The following DLGAP2 variants were observed in gnomAD, a reference collection of about 807,000 sequenced individuals.
DLGAP2 encodes disks large-associated protein 2.
Under a neutral mutation model 100.3 loss-of-function variants are expected in DLGAP2, and 26 were observed. The observed-to-expected ratio is 0.26, with a 90% CI of 0.19 to 0.36. DLGAP2 has a LOEUF of 0.36. DLGAP2 is among the 10% of genes least tolerant of loss of function. The probability of loss-of-function intolerance (pLI) is 1.00; values close to 1 mark genes in which losing one functional copy is unlikely to be tolerated. For synonymous variants in DLGAP2, 886 were observed against 630.1 expected, an observed-to-expected ratio of 1.41 and a Z score of -6.08; for missense variants, 1,858 against 1,453.2, an observed-to-expected ratio of 1.28 and a Z score of -4.53.
At chr8:1,647,488 C>CAAAA (rs567451595) in intron 8 of DLGAP2, among the ~76,000 whole-genome samples, 2 of 44,980 alleles carry the variant, frequency 4.4e-5, no homozygotes, top group African/African-American at 5.3e-5. Context: ...GACTCTGTCT[C>CAAAA]AAAAAAAAAA....
At chr8:1,500,876 A>C (rs1799698108) in intron 3 of DLGAP2, among the ~76,000 whole-genome samples, 2 of 152,254 alleles carry the variant, frequency 1.3e-5, no homozygotes, top group Admixed American at 1.3e-4. Flanking sequence ...ATTAAGCACT[A>C]AGATCACAAA....
At chr8:924,436 G>A (rs1440001290) in intron 2 of DLGAP2, among the ~76,000 whole-genome samples, 1 of 152,152 alleles carries the variant, frequency 6.6e-6, no homozygotes, top group Non-Finnish European at 1.5e-5. Context: ...GTGGGGTCCT[G>A]TTGTGTGGTG....
intron 3 of DLGAP2, among the ~76,000 whole-genome samples, chr8:1,353,204 T>C (rs760838016): frequency 6.6e-6 from 1 of 152,200 alleles, no homozygotes; most frequent in Non-Finnish European, 1.5e-5. Flanking sequence ...CTGCATTAGC[T>C]TCCTTCCATC....
chr8:1,206,450 G>A (rs1218723438), intron 2 of DLGAP2, among the ~76,000 whole-genome samples: 1 of 151,174 alleles, frequency 6.6e-6, no homozygotes, highest in Non-Finnish European at 1.5e-5. Flanking sequence ...CCGTGGACTG[G>A]GGTAGACTGT....
chr8:1,229,387 A>G (rs12155891), intron 2 of DLGAP2, among the ~76,000 whole-genome samples: 90,271 of 151,780 alleles, frequency 0.59, 28,309 homozygotes, highest in East Asian at 0.8. Flanking sequence ...TTTTATTACC[A>G]ATTCAGTTTT....
At chr8:1,337,402 A>G (rs1320672551) in intron 3 of DLGAP2, among the ~76,000 whole-genome samples, 3 of 390 alleles carry the variant, frequency 7.7e-3, no homozygotes, top group East Asian at 0.1. Context: ...GATGATGGTG[A>G]TGATGGTGAT....
At chr8:1,028,290 C>T (rs1314154256) in intron 2 of DLGAP2, among the ~76,000 whole-genome samples, 1 of 138,308 alleles carries the variant, frequency 7.2e-6, no homozygotes, top group Admixed American at 7.1e-5. Context: ...GTCAGGCGCC[C>T]GTTATTCTCC....
intron 2 of DLGAP2, among the ~76,000 whole-genome samples, chr8:913,837 G>T (rs2129000141): frequency 6.6e-6 from 1 of 152,324 alleles, no homozygotes; most frequent in Non-Finnish European, 1.5e-5. Flanking sequence ...CTCATATGAG[G>T]CAGAACAGCA....
chr8:865,282 C>A (rs551592913), intron 1 of DLGAP2, among the ~76,000 whole-genome samples: 45 of 152,314 alleles, frequency 3.0e-4, no homozygotes, highest in Admixed American at 3.9e-4. Flanking sequence ...CCAGTTAATA[C>A]CAAATGACAG....
chr8:738,141 T>G (rs1820368475), intron 1 of DLGAP2: 19 of 151,130 alleles, frequency 1.3e-4, no homozygotes, highest in Non-Finnish European at 2.5e-4. Flanking sequence ...CCGCTCTGCC[T>G]GCCCGGGGTG....
At chr8:1,153,344 T>C (rs1207673891) in intron 2 of DLGAP2, among the ~76,000 whole-genome samples, 3 of 152,236 alleles carry the variant, frequency 2.0e-5, no homozygotes, top group Non-Finnish European at 4.4e-5. Context: ...CCTCAAGAGC[T>C]ATAAAAGGCA....
At chr8:1,493,399 AC>A (rs1400952591) in intron 3 of DLGAP2, among the ~76,000 whole-genome samples, 1 of 152,074 alleles carries the variant, frequency 6.6e-6, no homozygotes, top group Non-Finnish European at 1.5e-5. Flanking sequence ...GCCTCTGTGG[AC>A]CGAGCGCATA....
chr8:768,591 A>AT (rs1408398401), intron 1 of DLGAP2, among the ~76,000 whole-genome samples: 1 of 151,316 alleles, frequency 6.6e-6, no homozygotes, highest in African/African-American at 2.4e-5. Context: ...TGCCCGGCTA[A>AT]TTTTTTGTAT....
At chr8:1,243,083 C>G (rs1338863538) in intron 2 of DLGAP2, among the ~76,000 whole-genome samples, 2 of 152,170 alleles carry the variant, frequency 1.3e-5, no homozygotes, top group East Asian at 1.9e-4. Context: ...TGTTGCGTTA[C>G]TTTGTTTTTC....
chr8:787,037 C>T (rs1287051717), intron 1 of DLGAP2, among the ~76,000 whole-genome samples: 1 of 152,088 alleles, frequency 6.6e-6, no homozygotes, highest in Non-Finnish European at 1.5e-5. Flanking sequence ...GCTTTCCTTT[C>T]TTCATTTAGT....
intron 2 of DLGAP2, among the ~76,000 whole-genome samples, chr8:1,112,381 C>T (rs1460786347): frequency 6.6e-6 from 1 of 151,900 alleles, no homozygotes; most frequent in East Asian, 1.9e-4. Context: ...GCTGGGACTA[C>T]AGGCATCCAC....
intron 3 of DLGAP2, among the ~76,000 whole-genome samples, chr8:1,455,258 C>T (rs1240700392): frequency 6.6e-6 from 1 of 152,236 alleles, no homozygotes; most frequent in Non-Finnish European, 1.5e-5. Context: ...GCAGGTGGGT[C>T]CCGCCCATCT....
rs1196339430 is a variant in DLGAP2, at chr8:1,669,774, C to G, written c.2192C>G (p.Pro731Arg). 3 of 780,922 alleles carry G rather than the reference C, an allele frequency of 3.8e-6. No individual in the cohort carries two copies. Among genetic ancestry groups the G allele is most frequent in the Non-Finnish European group, 7.2e-6 (3 of 417,988 alleles). The allele number at this position is 780,922 out of a possible 1,614,324, so 48.4% of individuals were successfully genotyped here. ...DSEFPEHQPYPRSDVETATDS... is the reference protein window; with the variant it reads ...DSEFPEHQPYRRSDVETATDS... ...GAATTCCCAGAGCATCAGCCATACCCAAGGTCAGATGTAAGTACCGAAATG... is the reference window on the plus strand; with the variant it reads ...GAATTCCCAGAGCATCAGCCATACCGAAGGTCAGATGTAAGTACCGAAATG... The change falls in exon 10 of 15, where the codon CCA (proline) becomes CGA (arginine). Residue 731 changes from proline (P) to arginine (R), a missense_variant. By Grantham distance (103) the Pro-to-Arg change is moderately radical (BLOSUM62 -2). Transcript: ENST00000637795.
chr8:1,287,785 G>C (rs1799973998), intron 3 of DLGAP2, among the ~76,000 whole-genome samples: 1 of 122,160 alleles, frequency 8.2e-6, no homozygotes, highest in African/African-American at 3.2e-5. Context: ...GTGTGTCTGT[G>C]TGTATGTGTG....
Sources: gnomAD v4.1 joint callset for allele counts (sites outside exome capture counted in the v4.1 genomes callset) on GRCh38, gnomAD v4.1.1 for gene constraint, MANE v1.5 for transcripts, NCBI Gene and HGNC (gene_info 2026-07-23, HGNC 2026-07-21) for gene names.